Variants in SNAPC1 observed in about 807,000 individuals in gnomAD.
SNAPC1 encodes the protein small nuclear RNA activating complex polypeptide 1, also known as snRNA-activating protein complex subunit 1.
A neutral mutation model predicts 50.1 loss-of-function variants in SNAPC1; 42 were observed. The ratio of observed to expected loss-of-function variants is 0.84; its 90% CI spans 0.65 to 1.08. The LOEUF (loss-of-function observed/expected upper bound fraction) is 1.08. SNAPC1 is among the 50% of genes least tolerant of loss of function. The pLI is 0.00. For missense variants in SNAPC1, 477 were observed against 427.3 expected (o/e 1.12, Z -1.02); for synonymous variants, 164 against 144.2 (o/e 1.14, Z -0.98).
chr14:61,768,575 A>G, intron 3 of SNAPC1, 61 bp from the exon 4 acceptor site: 1 of 912,824 alleles, frequency 1.1e-6, no homozygotes, highest in East Asian at 2.5e-5. Flanking sequence ...CTTATATTTC[A>G]ATACTTTTAA....
At position 61,767,306 on chromosome 14, in the gene SNAPC1, A is replaced by C. The variant is rs904140366; in HGVS notation, c.383A>C (p.Lys128Thr). Residue 128 changes from lysine to threonine, a missense_variant, in exon 3 of 10, where the codon AAG (lysine) becomes ACG (threonine). Physicochemically the swap from Lys to Thr is moderately conservative, Grantham distance 78 (BLOSUM62 -1). Coordinates refer to ENST00000216294, the MANE Select transcript of SNAPC1 (RefSeq NM_003082.4). ...QHFDAAYIFR[K>T]LRLDRAFHFT... ...TTTGATGCAGCTTATATTTTTAGGA[A>C]GCTACGACTAGACAGAGCATTTCAC... is the stretch of plus-strand genomic sequence containing the variant. The C allele has an allele frequency of 6.5e-7, 1 of 1,531,216 alleles. No homozygotes were observed. Among genetic ancestry groups the C allele is most frequent in the African/African-American group, 1.4e-5 (1 of 70,690 alleles). 94.9% of individuals were successfully genotyped at this position (1,531,216 alleles called of 1,614,324 possible). A position where few individuals can be genotyped will look rare whatever the true frequency, so the allele number is the denominator to read the frequency against.
Position 61,765,299 on chromosome 14 carries a change from A to C in SNAPC1, c.129-1577A>C, listed in dbSNP as rs534939023. 1.3e-3 allele frequency among the ~76,000 whole-genome samples: 191 copies of C among 152,316 alleles called. 1 individual carries two copies. The highest frequency in any genetic ancestry group is 3.6e-3 in the African/African-American group (150 of 41,568). On this transcript the variant is annotated intron_variant, in intron 1 of 9. Coordinates refer to ENST00000216294, the MANE Select transcript of SNAPC1 (RefSeq NM_003082.4). ...TATATGTGAACCTCGAAAATTTGAG[A>C]CACGTCTCAGTTAATTTAGAAAGGT... is the stretch of plus-strand genomic sequence containing the variant.
In SNAPC1 at chr14:61,794,323, A is replaced by G. The variant is rs144748765; in HGVS notation, c.1073-626A>G. Among the ~76,000 whole-genome samples the G allele has an allele frequency of 8.5e-3, 1,288 of 152,316 alleles. 7 individuals carry two copies. Among genetic ancestry groups the G allele is most frequent in the Middle Eastern group, 0.031 (9 of 294 alleles). ...GGATTTAGAATGACTAAGGGCCACT[A>G]TCTCAATAGATTGATATTGCAATAG... is the stretch of plus-strand genomic sequence containing the variant. On this transcript the variant is annotated intron_variant, in intron 9 of 9. Coordinates refer to ENST00000216294, the MANE Select transcript of SNAPC1 (RefSeq NM_003082.4).
At chr14:61,767,939 C>A (rs1455366860) in intron 3 of SNAPC1, among the ~76,000 whole-genome samples, 1 of 152,194 alleles carries the variant, frequency 6.6e-6, no homozygotes, top group Non-Finnish European at 1.5e-5. Context: ...TCCACCACGC[C>A]TAGCTAATTT....
At chr14:61,771,205 G>A (rs2044988485) in intron 4 of SNAPC1, among the ~76,000 whole-genome samples, 1 of 152,158 alleles carries the variant, frequency 6.6e-6, no homozygotes, top group African/African-American at 2.4e-5. Context: ...AATATTTTGT[G>A]TAGATTGTTT....
chr14:61,766,077 G>A (rs1428820000), intron 1 of SNAPC1, among the ~76,000 whole-genome samples: 1 of 152,160 alleles, frequency 6.6e-6, no homozygotes, highest in East Asian at 1.9e-4. Flanking sequence ...TATCTTAGAA[G>A]CAAAATTTAT....
intron 8 of SNAPC1, among the ~76,000 whole-genome samples, chr14:61,786,043 T>C (rs567523744): frequency 4.6e-5 from 7 of 152,272 alleles, no homozygotes; most frequent in Admixed American, 3.3e-4. Flanking sequence ...AAAGGAGTGA[T>C]CTAGATTCTT....
At position 61,767,353 on chromosome 14, in the gene SNAPC1, G is replaced by A. The variant is rs1236192987; in HGVS notation, c.429+1G>A. On this transcript the variant is annotated splice_donor_variant, in intron 3 of 9. Transcript: ENST00000216294. LOFTEE classifies it high-confidence loss of function. ...TCACTTTACAGCAATGCCCAAATTG[G>A]TATGTTGCCTAAAATAATTTGGTTT... 1.0e-5 allele frequency: 15 copies of A among 1,449,420 alleles called. No individual in the cohort carries two copies. Among genetic ancestry groups the A allele is most frequent in the South Asian group, 1.5e-5 (1 of 65,336 alleles). 89.8% of individuals were successfully genotyped at this position (1,449,420 alleles called of 1,614,324 possible).
chr14:61,771,065 A>T (rs2044987015), intron 4 of SNAPC1, among the ~76,000 whole-genome samples: 1 of 152,116 alleles, frequency 6.6e-6, no homozygotes, highest in Non-Finnish European at 1.5e-5. Context: ...TTTTAGGGTG[A>T]GGTACTGTAA....
chr14:61,776,055 A>C, intron 4 of SNAPC1, 40 bp from the exon 5 acceptor site: 1 of 1,525,626 alleles, frequency 6.6e-7, no homozygotes, highest in Non-Finnish European at 8.8e-7. Context: ...GTTTCTCCTC[A>C]AAAAGTGAAG....
chr14:61,793,055 T>C (rs994077498), intron 9 of SNAPC1, among the ~76,000 whole-genome samples, 153 bp downstream of exon 9: 1 of 152,206 alleles, frequency 6.6e-6, no homozygotes, highest in South Asian at 2.1e-4. Context: ...ATTAGTCATA[T>C]CATTAATGAC....
At position 61,795,109 on chromosome 14, in the gene SNAPC1, T is replaced by G. The variant is rs2045179567; in HGVS notation, c.*126T>G. Reference sequence around the variant, plus strand: ...CTTCTGGGAATCTGTAGGTTATTTCTTGGAAATTGCAATACGTAGTTCTAG... The same window carrying G: ...CTTCTGGGAATCTGTAGGTTATTTCGTGGAAATTGCAATACGTAGTTCTAG... On this transcript the variant is annotated 3_prime_UTR_variant, in exon 10 of 10. Coordinates refer to ENST00000216294, the MANE Select transcript of SNAPC1 (RefSeq NM_003082.4). The G allele has an allele frequency of 1.6e-6, 1 of 612,242 alleles. No individual in the cohort carries two copies. The highest frequency in any genetic ancestry group is 2.8e-6 in the Non-Finnish European group (1 of 351,922). 37.9% of individuals were successfully genotyped at this position (612,242 alleles called of 1,614,324 possible).
rs778375845 is a variant in SNAPC1 at position 61,767,200 on chromosome 14, TC to T, written c.289-10del. 10 of 1,427,482 alleles carry T rather than the reference TC, an allele frequency of 7.0e-6. No homozygotes were observed. Among genetic ancestry groups the T allele is most frequent in the Admixed American group, 2.6e-5 (1 of 38,280 alleles). The allele number at this position is 1,427,482 out of a possible 1,614,324, so 88.4% of individuals were successfully genotyped here. A position where few individuals can be genotyped will look rare whatever the true frequency, so the allele number is the denominator to read the frequency against. The stretch of plus-strand genomic sequence containing the variant: ...TACATTTAGTACAACTTTTTTTTCT[TC>T]CTGGTTGCAGATCAGAGTTGCCCTG... On this transcript the variant is annotated splice_polypyrimidine_tract_variant and intron_variant, in intron 2 of 9. Coordinates refer to ENST00000216294, the MANE Select transcript of SNAPC1 (RefSeq NM_003082.4).
At chr14:61,764,930 T>A (rs2044935749) in intron 1 of SNAPC1, among the ~76,000 whole-genome samples, 1 of 151,294 alleles carries the variant, frequency 6.6e-6, no homozygotes, top group South Asian at 2.1e-4. Context: ...GAGCCCGTGT[T>A]TATGGCTGCA....
intron 9 of SNAPC1, among the ~76,000 whole-genome samples, chr14:61,794,295 T>A (rs2045172772): frequency 6.6e-6 from 1 of 152,194 alleles, no homozygotes; most frequent in Admixed American, 6.6e-5. Context: ...TTATTATTAA[T>A]TAGGATTTAG....
At chr14:61,772,318 G>T (rs1476854666) in intron 4 of SNAPC1, among the ~76,000 whole-genome samples, 1 of 151,984 alleles carries the variant, frequency 6.6e-6, no homozygotes, top group East Asian at 1.9e-4. Flanking sequence ...TATGATCTTG[G>T]CTCACTGCAA....
intron 8 of SNAPC1, among the ~76,000 whole-genome samples, chr14:61,786,885 G>T (rs1015560772): frequency 6.6e-6 from 1 of 152,204 alleles, no homozygotes; most frequent in Admixed American, 6.5e-5. Flanking sequence ...TGCAAGAACT[G>T]CAAACAGCCT....
At chr14:61,783,526 TG>T (rs2045092652) in intron 8 of SNAPC1, among the ~76,000 whole-genome samples, 1 of 141,610 alleles carries the variant, frequency 7.1e-6, no homozygotes, top group Non-Finnish European at 1.5e-5. Flanking sequence ...TAGTTTGGTT[TG>T]GTTTTTTTTT....
intron 8 of SNAPC1, among the ~76,000 whole-genome samples, chr14:61,783,501 T>C (rs556657619): frequency 6.6e-6 from 1 of 151,324 alleles, no homozygotes; most frequent in South Asian, 2.1e-4. Flanking sequence ...GAAATTACTT[T>C]CGTATATATT....
Sources: allele counts gnomAD v4.1 joint callset (sites outside exome capture counted in the v4.1 genomes callset), GRCh38; gene constraint gnomAD v4.1.1; transcripts MANE v1.5; gene names NCBI Gene and HGNC (gene_info 2026-07-23, HGNC 2026-07-21).